The following LAMA2 variants were observed in gnomAD, a reference collection of about 807,000 sequenced individuals.
LAMA2 encodes laminin subunit alpha-2.
Under a neutral mutation model 364.8 loss-of-function variants are expected in LAMA2, and 269 were observed. The ratio of observed to expected loss-of-function variants is 0.74; its 90% CI spans 0.67 to 0.82. The LOEUF is 0.82. LAMA2 is among the 40% of genes least tolerant of loss of function. The pLI is 0.00. For missense variants in LAMA2, 3,807 were observed against 3,873.2 expected (o/e 0.98, Z 0.45); for synonymous variants, 1,379 against 1,370.6 (o/e 1.01, Z -0.14).
intron 4 of LAMA2, among the ~76,000 whole-genome samples, chr6:129,129,052 A>C (rs1219411477): frequency 6.6e-6 from 1 of 152,210 alleles, no homozygotes; most frequent in Non-Finnish European, 1.5e-5. Context: ...GTGATGGAGG[A>C]AATACGTGGC....
rs1390514647 is a variant in LAMA2 at position 129,388,394 on chromosome 6, G to A, written c.5072-3097G>A. Among the ~76,000 whole-genome samples the A allele has an allele frequency of 5.3e-5, 8 of 151,938 alleles. No homozygotes were observed. In the East Asian group the frequency reaches 1.2e-3, roughly 22 times the overall value. ...TGATCATTTTGCTAAAGTCATTTTT[G>A]TGCACCTTAATGATTGCTTCTTGTT... On this transcript the variant is annotated intron_variant, in intron 35 of 64. Coordinates refer to ENST00000421865, the MANE Select transcript of LAMA2 (RefSeq NM_000426.4).
Position 128,927,152 on chromosome 6 carries a change from G to T in LAMA2, c.112+43795G>T, listed in dbSNP as rs140315174. Among the ~76,000 whole-genome samples, 372 of 152,230 alleles carry T rather than the reference G, an allele frequency of 2.4e-3. 1 individual carries two copies. Among genetic ancestry groups the T allele is most frequent in the African/African-American group, 8.6e-3 (357 of 41,540 alleles). On this transcript the variant is annotated intron_variant, in intron 1 of 64. Coordinates refer to ENST00000421865, the MANE Select transcript of LAMA2 (RefSeq NM_000426.4). Reference sequence around the variant, plus strand: ...GTCTTTAACTGATAAAATGGCTAAAGCATTTCCTGGTCAACACACCACTCT... The same window carrying T: ...GTCTTTAACTGATAAAATGGCTAAATCATTTCCTGGTCAACACACCACTCT...
At chr6:129,195,834 G>A (rs1450746618) in intron 12 of LAMA2, among the ~76,000 whole-genome samples, 2 of 152,154 alleles carry the variant, frequency 1.3e-5, no homozygotes, top group Admixed American at 6.6e-5. Flanking sequence ...AACAGTTTGG[G>A]AATTTCAGAG....
chr6:129,010,167 T>C (rs956700155), intron 1 of LAMA2, among the ~76,000 whole-genome samples: 8 of 152,228 alleles, frequency 5.3e-5, no homozygotes, highest in Non-Finnish European at 8.8e-5. Context: ...GAGTCAAAGA[T>C]GTTAATTCTA....
chr6:129,286,014 G>C (rs1243533667), intron 18 of LAMA2, among the ~76,000 whole-genome samples: 1 of 152,032 alleles, frequency 6.6e-6, no homozygotes, highest in Non-Finnish European at 1.5e-5. Context: ...AATCATCAAT[G>C]TATCTGCACC....
At chr6:129,512,972 A>G (rs563669468) in intron 63 of LAMA2, among the ~76,000 whole-genome samples, 6 of 152,330 alleles carry the variant, frequency 3.9e-5, no homozygotes, top group African/African-American at 1.4e-4. Flanking sequence ...TCCAGCTACC[A>G]TTTCAAAAAA....
intron 12 of LAMA2, among the ~76,000 whole-genome samples, chr6:129,242,444 T>C (rs1449620552): frequency 6.6e-6 from 1 of 152,188 alleles, no homozygotes; most frequent in Admixed American, 6.5e-5. Flanking sequence ...TTTTTTCTGT[T>C]ATTTTAATCA....
intron 1 of LAMA2, among the ~76,000 whole-genome samples, chr6:128,987,318 A>G (rs577321294): frequency 5.3e-5 from 8 of 150,630 alleles, no homozygotes; most frequent in African/African-American, 1.7e-4. Flanking sequence ...TTTTTTTCGC[A>G]TTTTTGGTAG....
At chr6:128,924,291 T>C (rs1778947103) in intron 1 of LAMA2, among the ~76,000 whole-genome samples, 1 of 152,172 alleles carries the variant, frequency 6.6e-6, no homozygotes, top group Non-Finnish European at 1.5e-5. Flanking sequence ...CATGGTGTTA[T>C]ATTTGTCCTT....
chr6:129,479,546 A>ATAT (rs1784251079), intron 54 of LAMA2: 1 of 152,234 alleles, frequency 6.6e-6, no homozygotes. Context: ...TCAACAGCAA[A>ATAT]TATTAGCAAG....
intron 1 of LAMA2, among the ~76,000 whole-genome samples, chr6:128,883,577 CT>C (rs1775949623): frequency 6.6e-6 from 1 of 151,952 alleles, no homozygotes; most frequent in Non-Finnish European, 1.5e-5. Flanking sequence ...ACGGGGAGTG[CT>C]TTTCATTGTT....
intron 3 of LAMA2, among the ~76,000 whole-genome samples, chr6:129,076,885 A>G (rs6569581): frequency 0.95 from 144,788 of 152,080 alleles, 69,006 homozygotes; most frequent in East Asian, 0.97. Flanking sequence ...CAATAAACAC[A>G]ATGAAAAGAA....
chr6:129,116,458 A>G (rs1357637775), intron 4 of LAMA2, among the ~76,000 whole-genome samples: 3 of 152,166 alleles, frequency 2.0e-5, no homozygotes, highest in Non-Finnish European at 4.4e-5. Context: ...AAGACAGTCA[A>G]AGGAATGTCC....
At chr6:129,386,840 AAAG>A (rs1779044312) in intron 35 of LAMA2, among the ~76,000 whole-genome samples, 2 of 152,280 alleles carry the variant, frequency 1.3e-5, no homozygotes, top group South Asian at 4.2e-4. Context: ...TTTAATCCAA[AAAG>A]ATACTGAAGG....
chr6:129,476,344 G>C (rs1213958860), intron 53 of LAMA2, among the ~76,000 whole-genome samples: 1 of 152,226 alleles, frequency 6.6e-6, no homozygotes, highest in Non-Finnish European at 1.5e-5. Context: ...TGATACAGTT[G>C]TAAGACCACT....
intron 40 of LAMA2, among the ~76,000 whole-genome samples, chr6:129,421,000 G>T (rs1781046713): frequency 6.6e-6 from 1 of 152,226 alleles, no homozygotes; most frequent in Middle Eastern, 3.4e-3. Flanking sequence ...TTTGGTGCTT[G>T]AGATAAATAA....
chr6:129,481,174 T>G, intron 54 of LAMA2, 89 bp from the exon 55 acceptor site: 2 of 966,870 alleles, frequency 2.1e-6, no homozygotes, highest in Non-Finnish European at 3.4e-6. Context: ...ATAATCACAT[T>G]AATTGCATCG....
At chr6:129,004,208 T>A (rs1395082676) in intron 1 of LAMA2, among the ~76,000 whole-genome samples, 1 of 41,164 alleles carries the variant, frequency 2.4e-5, no homozygotes, top group East Asian at 3.8e-4. Context: ...AACAATGAGA[T>A]CACATGGACA....
chr6:129,144,192 A>G, intron 5 of LAMA2, 112 bp downstream of exon 5: 1 of 730,596 alleles, frequency 1.4e-6, no homozygotes, highest in Non-Finnish European at 2.3e-6. Flanking sequence ...TTATTATCAA[A>G]TTTTTATTTT....
Sources: allele counts gnomAD v4.1 joint callset (sites outside exome capture counted in the v4.1 genomes callset), GRCh38; gene constraint gnomAD v4.1.1; transcripts MANE v1.5; gene names NCBI Gene and HGNC (gene_info 2026-07-23, HGNC 2026-07-21).